Variants in EIF6 observed in about 807,000 individuals in gnomAD.
EIF6 encodes the protein eukaryotic translation initiation factor 6, also known as B4 integrin interactor.
A neutral mutation model predicts 25.5 loss-of-function variants in EIF6; 10 were observed. That is an observed-to-expected ratio of 0.39 (90% CI 0.24 to 0.66). EIF6 has a LOEUF of 0.66. EIF6 is among the 30% of genes least tolerant of loss of function. The pLI is 0.45. For missense variants in EIF6, 246 were observed against 315.4 expected (o/e 0.78, Z 1.67); for synonymous variants, 122 against 122.6 (o/e 1.00, Z 0.03).
intron 1 of EIF6, 104 bp downstream of exon 1, chr20:35,284,622 C>T (rs1600827577): frequency 4.7e-6 from 5 of 1,072,122 alleles, no homozygotes; most frequent in Non-Finnish European, 6.7e-6. Context: ...GGGTCCCGCC[C>T]ACTGGGCCCC....
intron 3 of EIF6, among the ~76,000 whole-genome samples, chr20:35,281,046 G>A (rs1235009636): frequency 2.6e-5 from 4 of 152,162 alleles, no homozygotes. Flanking sequence ...CCAACTGGGA[G>A]GGAAGCTGAG....
chr20:35,280,964 G>C, intron 3 of EIF6, 135 bp from the exon 4 acceptor site: 3 of 1,042,022 alleles, frequency 2.9e-6, no homozygotes, highest in Non-Finnish European at 4.1e-6. Context: ...CCAACCCACT[G>C]ATCTGGAAAA....
chr20:35,284,419 G>A lies in EIF6; in HGVS notation c.69C>T (p.Tyr23=), dbSNP rs1335394152. 3 of 1,613,998 alleles carry A rather than the reference G, an allele frequency of 1.9e-6. No individual in the cohort carries two copies. Among genetic ancestry groups the A allele is most frequent in the Non-Finnish European group, 2.5e-6 (3 of 1,179,966 alleles). The part of the protein sequence containing the change: ...IGCFAKLTNT[Y]CLVAIGGSEN... ...CTGAGCCTCCGATCGCTACCAGACA[G>A]TAGGTGTTGGTGAGCTTGGCAAAGC... Residue 23 remains tyrosine (Y), a synonymous_variant, in exon 2 of 7, where the codon TAC becomes TAT. Coordinates refer to ENST00000374450, the MANE Select transcript of EIF6 (RefSeq NM_002212.4).
At chr20:35,279,915 CG>C in intron 5 of EIF6, 26 bp downstream of exon 5, 1 of 1,606,966 alleles carries the variant, frequency 6.2e-7, no homozygotes, top group East Asian at 2.2e-5. Context: ...CCTCGGGAGA[CG>C]GGGTTCAGAG....
At position 35,280,783 on chromosome 20, in the gene EIF6, C is replaced by T; in HGVS notation, c.240G>A (p.Glu80=). 6.2e-7 allele frequency: 1 copy of T among 1,614,174 alleles called. No homozygotes were observed. The highest frequency in any genetic ancestry group is 8.5e-7 in the Non-Finnish European group (1 of 1,180,034). The change falls in exon 4 of 7, where the codon GAG becomes GAA. Residue 80 remains glutamate, a synonymous_variant. Coordinates refer to ENST00000374450, the MANE Select transcript of EIF6 (RefSeq NM_002212.4). ...GGAGGCTGTTGCGAATGTGTTGCAG[C>T]TCCTGGTCGGTGGTATTGTTGGGTA... ...LLVPNNTTDQ[E]LQHIRNSLPD...
chr20:35,279,049 A>G lies in EIF6; in HGVS notation c.*148T>C. 2 of 963,284 alleles carry G rather than the reference A, an allele frequency of 2.1e-6. No homozygotes were observed. Among genetic ancestry groups the G allele is most frequent in the Non-Finnish European group, 3.3e-6 (2 of 614,170 alleles). 59.7% of individuals were successfully genotyped at this position (963,284 alleles called of 1,614,324 possible). A position where few individuals can be genotyped will look rare whatever the true frequency, so the allele number is the denominator to read the frequency against. On this transcript the variant is annotated 3_prime_UTR_variant, in exon 7 of 7. Coordinates refer to ENST00000374450, the MANE Select transcript of EIF6 (RefSeq NM_002212.4). ...AATGATAGATCCAGGCGATAAGCAC[A>G]GGTGGAAAAGGGTTGGGTGCCCAGC...
intron 3 of EIF6, 30 bp from the exon 4 acceptor site, chr20:35,280,859 C>T: frequency 1.2e-6 from 2 of 1,610,032 alleles, no homozygotes; most frequent in Non-Finnish European, 1.7e-6. Context: ...AGGGTGAATA[C>T]ACAAGATGCC....
chr20:35,284,056 G>C, intron 3 of EIF6, 120 bp downstream of exon 3: 1 of 1,280,200 alleles, frequency 7.8e-7, no homozygotes, highest in Non-Finnish European at 1.1e-6. Context: ...AGATTCTATA[G>C]TGCCCAGAGA....
Position 35,279,107 on chromosome 20 carries a change from C to A in EIF6, c.*90G>T. On this transcript the variant is annotated 3_prime_UTR_variant, in exon 7 of 7. Transcript: ENST00000374450. ...TCCCAGTGAGCTCTCTGCCACCTCC[C>A]TGCCAGCATCCGGTACAGATTGGGC... is the stretch of plus-strand genomic sequence containing the variant. 6.4e-7 allele frequency: 1 copy of A among 1,572,846 alleles called. No homozygotes were observed. Among genetic ancestry groups the A allele is most frequent in the East Asian group, 2.3e-5 (1 of 44,212 alleles).
chr20:35,280,607 T>G, intron 4 of EIF6, 47 bp downstream of exon 4: 3 of 1,597,808 alleles, frequency 1.9e-6, no homozygotes, highest in Non-Finnish European at 2.6e-6. Flanking sequence ...GGCTAACCAC[T>G]GACTAGGATG....
In EIF6 at chr20:35,284,070, C is replaced by A. The variant is rs947228666; in HGVS notation, c.193+106G>T. On this transcript the variant is annotated intron_variant, in intron 3 of 6. Coordinates refer to ENST00000374450, the MANE Select transcript of EIF6 (RefSeq NM_002212.4). ...GAGATTCTATAGTGCCCAGAGATAA[C>A]AGATGATACCCTGGGAATCCCTAGG... The A allele has an allele frequency of 5.1e-6, 7 of 1,373,324 alleles. No homozygotes were observed. In the African/African-American group the frequency reaches 1.0e-4, roughly 20 times the overall value. 85.1% of individuals were successfully genotyped at this position (1,373,324 alleles called of 1,614,324 possible). A position where few individuals can be genotyped will look rare whatever the true frequency, so the allele number is the denominator to read the frequency against.
Position 35,278,927 on chromosome 20 carries a change from G to A in EIF6, c.*270C>T, listed in dbSNP as rs2060743555. On this transcript the variant is annotated 3_prime_UTR_variant, in exon 7 of 7. Coordinates refer to ENST00000374450, the MANE Select transcript of EIF6 (RefSeq NM_002212.4). The stretch of plus-strand genomic sequence containing the variant: ...AACATCACATTCAGAATGGCCCGGA[G>A]GGAACTGCACTTTAATGGGGTGGCA... 1.9e-6 allele frequency: 1 copy of A among 538,954 alleles called. No individual in the cohort carries two copies. Among genetic ancestry groups the A allele is most frequent in the African/African-American group, 1.9e-5 (1 of 52,496 alleles). The allele number at this position is 538,954 out of a possible 1,614,324, so 33.4% of individuals were successfully genotyped here.
In EIF6 at chr20:35,284,501, G is replaced by C. The variant is rs758788031; in HGVS notation, c.-5-9C>G. On this transcript the variant is annotated splice_polypyrimidine_tract_variant and intron_variant, in intron 1 of 6. Transcript: ENST00000374450. The stretch of plus-strand genomic sequence containing the variant: ...TCGGACCGCCATGAGGCCTAGGGGC[G>C]GCGGAGGCGGGAGTTCAAGGCCGGC... 1.3e-6 allele frequency: 2 copies of C among 1,587,700 alleles called. No individual in the cohort carries two copies. The highest frequency in any genetic ancestry group is 4.5e-5 in the East Asian group (2 of 44,322).
At position 35,280,523 on chromosome 20, in the gene EIF6, A is replaced by G. The variant is rs964593832; in HGVS notation, c.369+131T>C. On this transcript the variant is annotated intron_variant, in intron 4 of 6. Coordinates refer to ENST00000374450, the MANE Select transcript of EIF6 (RefSeq NM_002212.4). ...CTCTGTTATCACTATTCCAATGAGTACCTGAAACTCAAGAGCCCATATAGA... is the reference window on the plus strand; with the variant it reads ...CTCTGTTATCACTATTCCAATGAGTGCCTGAAACTCAAGAGCCCATATAGA... 6 of 1,080,296 alleles carry G rather than the reference A, an allele frequency of 5.6e-6. No homozygotes were observed. The African/African-American group carries it at 6.4e-5, about 11-fold the overall frequency. 66.9% of individuals were successfully genotyped at this position (1,080,296 alleles called of 1,614,324 possible).
In EIF6 at chr20:35,279,587, A is replaced by G; in HGVS notation, c.707T>C (p.Met236Thr). 6.2e-7 allele frequency: 1 copy of G among 1,614,138 alleles called. No homozygotes were observed. The highest frequency in any genetic ancestry group is 8.5e-7 in the Non-Finnish European group (1 of 1,180,034). The change falls in exon 6 of 7, where the codon ATG (methionine) becomes ACG (threonine). Residue 236 changes from methionine to threonine, a missense_variant. Coordinates refer to ENST00000374450, the MANE Select transcript of EIF6 (RefSeq NM_002212.4). ...GTACCTGTCAATGAGGGAATCCCGCATGCTGGTGGCAATGGTGCTAGGCTG... is the reference window on the plus strand; with the variant it reads ...GTACCTGTCAATGAGGGAATCCCGCGTGCTGGTGGCAATGGTGCTAGGCTG... ...EAQPSTIATS[M>T]RDSLIDSLT
chr20:35,280,514 C>G (rs1011389685), intron 4 of EIF6, 140 bp downstream of exon 4: 4 of 1,023,808 alleles, frequency 3.9e-6, no homozygotes, highest in Non-Finnish European at 5.6e-6. Context: ...TATCACTATT[C>G]CAATGAGTAC....
In EIF6 at chr20:35,284,260, C is replaced by G; in HGVS notation, c.109G>C (p.Val37Leu). Residue 37 changes from valine (V) to leucine (L), a missense_variant and splice_region_variant, in exon 3 of 7, where the codon GTG becomes CTG. Coordinates refer to ENST00000374450, the MANE Select transcript of EIF6 (RefSeq NM_002212.4). ...AIGGSENFYSVFEGELSDTIP... is the reference protein window; with the variant it reads ...AIGGSENFYSLFEGELSDTIP... ...GTATCGGAGAGCTCGCCCTCGAACA[C>G]ACTGTAGGGACATGGACTCGGTGGT... 6.2e-7 allele frequency: 1 copy of G among 1,613,616 alleles called. No homozygotes were observed.
chr20:35,283,072 AC>A (rs1489753224), intron 3 of EIF6, among the ~76,000 whole-genome samples: 1 of 151,964 alleles, frequency 6.6e-6, no homozygotes, highest in Non-Finnish European at 1.5e-5. Context: ...TGGGAGGATC[AC>A]CTGAGGTCAG....
Position 35,284,168 on chromosome 20 carries a change from T to C in EIF6, c.193+8A>G. The stretch of plus-strand genomic sequence containing the variant: ...ACTCCCTCCCTCGGCGTCCTCCACC[T>C]GCCTTACCCACACACATGCGCCCGA... On this transcript the variant is annotated splice_region_variant and intron_variant, in intron 3 of 6. Transcript: ENST00000374450. 6.3e-7 allele frequency: 1 copy of C among 1,578,958 alleles called. No individual in the cohort carries two copies. Among genetic ancestry groups the C allele is most frequent in the Non-Finnish European group, 8.6e-7 (1 of 1,161,442 alleles).
Sources: allele counts gnomAD v4.1 joint callset (sites outside exome capture counted in the v4.1 genomes callset), GRCh38; gene constraint gnomAD v4.1.1; transcripts MANE v1.5; gene names NCBI Gene and HGNC (gene_info 2026-07-23, HGNC 2026-07-21).